Variants in ATL2 observed in about 807,000 individuals in gnomAD.
The protein encoded by ATL2 is atlastin GTPase 2.
Under a neutral mutation model 73.9 loss-of-function variants are expected in ATL2, and 31 were observed. The observed-to-expected ratio is 0.42, with a 90% confidence interval of 0.32 to 0.57. ATL2 has a LOEUF of 0.57. Ranked by LOEUF, ATL2 falls within the 20% of genes least tolerant of loss-of-function variation. The probability of loss-of-function intolerance (pLI) is 0.14; values close to 1 mark genes in which losing one functional copy is unlikely to be tolerated. For synonymous variants in ATL2, 291 were observed against 237.5 expected (o/e 1.23, Z -2.07); for missense variants, 738 against 702.6 (o/e 1.05, Z -0.57).
chr2:38,366,108 A>C (rs565292717), intron 1 of ATL2, among the ~76,000 whole-genome samples: 5 of 151,902 alleles, frequency 3.3e-5, no homozygotes, highest in East Asian at 3.9e-4. Context: ...AAAAAAAAAA[A>C]AAAAACAAAG....
At chr2:38,296,859 C>G (rs1158736348) in intron 12 of ATL2, among the ~76,000 whole-genome samples, 1 of 152,144 alleles carries the variant, frequency 6.6e-6, no homozygotes, top group Non-Finnish European at 1.5e-5. Context: ...ATGGTACCTC[C>G]AAAATCCTAG....
In ATL2 at chr2:38,319,028, G is replaced by C. The variant is rs1421405189; in HGVS notation, c.364-9C>G. ...ATCCAACTTTGAGAATCCTGTTAAAGTCAAGGATAAATGTAAAATACAACA... is the reference window on the plus strand; with the variant it reads ...ATCCAACTTTGAGAATCCTGTTAAACTCAAGGATAAATGTAAAATACAACA... On this transcript the variant is annotated splice_polypyrimidine_tract_variant and intron_variant, in intron 2 of 12. Transcript: ENST00000378954. 6.2e-7 allele frequency: 1 copy of C among 1,608,936 alleles called. No homozygotes were observed. The highest frequency in any genetic ancestry group is 2.2e-5 in the East Asian group (1 of 44,852).
chr2:38,311,966 CT>C (rs1327571491), intron 7 of ATL2, among the ~76,000 whole-genome samples: 14 of 152,232 alleles, frequency 9.2e-5, no homozygotes, highest in Admixed American at 2.0e-4. Context: ...CTGGAAATGC[CT>C]TTCAAATAAT....
chr2:38,378,050 T>C (rs1246981744), upstream of ATL2, among the ~76,000 whole-genome samples: 2 of 152,212 alleles, frequency 1.3e-5, no homozygotes, highest in Non-Finnish European at 2.9e-5. Flanking sequence ...CTTCTGGGGA[T>C]CCAGTGACAT....
At chr2:38,376,366 G>A in intron 1 of ATL2, 5 of 715,422 alleles carry the variant, frequency 7.0e-6, no homozygotes, top group Non-Finnish European at 1.0e-5. Flanking sequence ...AGCAAAACCA[G>A]GGAGCCAAGG....
chr2:38,317,979 CT>C (rs562034434), intron 4 of ATL2, among the ~76,000 whole-genome samples: 3 of 151,948 alleles, frequency 2.0e-5, no homozygotes, highest in Non-Finnish European at 2.9e-5. Flanking sequence ...AAATAGCTTC[CT>C]TTTTTTTCCC....
chr2:38,299,653 T>A (rs577718383), intron 10 of ATL2, among the ~76,000 whole-genome samples: 7 of 152,058 alleles, frequency 4.6e-5, no homozygotes, highest in Non-Finnish European at 8.8e-5. Context: ...GAATCGAGAA[T>A]TACCCATATG....
At chr2:38,319,432 T>A (rs1234758233) in intron 2 of ATL2, among the ~76,000 whole-genome samples, 2 of 150,578 alleles carry the variant, frequency 1.3e-5, no homozygotes, top group African/African-American at 2.4e-5. Context: ...AACGCCATCT[T>A]TACAAAAAGT....
intron 2 of ATL2, among the ~76,000 whole-genome samples, chr2:38,325,658 CAGT>C (rs1271307623): frequency 1.7e-4 from 2 of 11,964 alleles, no homozygotes; most frequent in African/African-American, 7.5e-4. Context: ...ACACACACAC[CAGT>C]ACACACACAC....
chr2:38,350,217 C>T (rs1027381245), intron 1 of ATL2, among the ~76,000 whole-genome samples: 3 of 152,098 alleles, frequency 2.0e-5, no homozygotes, highest in East Asian at 1.9e-4. Context: ...TAGATTTCAG[C>T]CCCCCAACAC....
intron 1 of ATL2, among the ~76,000 whole-genome samples, chr2:38,374,924 T>C (rs1206868707): frequency 2.0e-5 from 3 of 152,224 alleles, no homozygotes; most frequent in Non-Finnish European, 4.4e-5. Flanking sequence ...ATAATCTTAT[T>C]TTCACTCAGG....
chr2:38,309,414 T>C lies in ATL2; in HGVS notation c.1036A>G (p.Lys346Glu), dbSNP rs1193240744. The C allele has an allele frequency of 6.2e-7, 1 of 1,612,030 alleles. No individual in the cohort carries two copies. Among genetic ancestry groups the C allele is most frequent in the Non-Finnish European group, 8.5e-7 (1 of 1,179,668 alleles). The change falls in exon 9 of 13, where the codon AAA becomes GAA. Residue 346 changes from lysine to glutamate, a missense_variant. Physicochemically the swap from Lys to Glu is moderately conservative, Grantham distance 56. Coordinates refer to ENST00000378954, the MANE Select transcript of ATL2 (RefSeq NM_001135673.4). ...NLVEKEISGS[K>E]VTCRDLVEYF... ...TCTACAAGATCTCTACAAGTGACTT[T>C]AGATCCACTTATCTCTTTTTCTACC...
chr2:38,365,510 G>T (rs974293062), intron 1 of ATL2, among the ~76,000 whole-genome samples: 1 of 152,034 alleles, frequency 6.6e-6, no homozygotes. Context: ...CAAAAAATTG[G>T]CCAGGAGCAG....
intron 2 of ATL2, among the ~76,000 whole-genome samples, chr2:38,325,692 A>ACC (rs1668590458): frequency 1.7e-4 from 10 of 58,548 alleles, no homozygotes; most frequent in African/African-American, 3.5e-4. Context: ...ACACACACAC[A>ACC]CACCAGTACA....
At chr2:38,326,806 G>C (rs189729507) in intron 2 of ATL2, among the ~76,000 whole-genome samples, 3 of 151,962 alleles carry the variant, frequency 2.0e-5, no homozygotes, top group Non-Finnish European at 4.4e-5. Flanking sequence ...TGGTCAATAC[G>C]GCAAAACCCC....
chr2:38,330,031 A>T (rs1196820322), intron 2 of ATL2, among the ~76,000 whole-genome samples: 1 of 152,096 alleles, frequency 6.6e-6, no homozygotes, highest in African/African-American at 2.4e-5. Context: ...GTGGAGGCTG[A>T]GGCAGGAGAA....
intron 10 of ATL2, 141 bp from the exon 11 acceptor site, chr2:38,299,468 AG>A: frequency 2.4e-6 from 2 of 839,488 alleles, no homozygotes. Flanking sequence ...TTCCTATGCA[AG>A]GGAACGTTGG....
At chr2:38,323,474 G>T (rs1668437775) in intron 2 of ATL2, among the ~76,000 whole-genome samples, 1 of 150,536 alleles carries the variant, frequency 6.6e-6, no homozygotes, top group South Asian at 2.1e-4. Flanking sequence ...AAAGTGCTGG[G>T]ATTACAAGCA....
At chr2:38,355,873 T>C (rs1393338134) in intron 1 of ATL2, among the ~76,000 whole-genome samples, 1 of 151,678 alleles carries the variant, frequency 6.6e-6, no homozygotes, top group Non-Finnish European at 1.5e-5. Flanking sequence ...TTTTTGTATT[T>C]TTAGTAGAGA....
Sources: allele counts gnomAD v4.1 joint callset (sites outside exome capture counted in the v4.1 genomes callset), GRCh38; gene constraint gnomAD v4.1.1; transcripts MANE v1.5; gene names NCBI Gene and HGNC (gene_info 2026-07-23, HGNC 2026-07-21).